Variants in HLA-DPA1 observed in about 807,000 individuals in gnomAD.
The protein encoded by HLA-DPA1 is major histocompatibility complex, class II, DP alpha 1.
HLA-DPA1 carries 20 observed loss-of-function variants against 21.5 expected under a neutral mutation model. That is an observed-to-expected ratio of 0.93 (90% CI 0.66 to 1.35). HLA-DPA1 has a LOEUF of 1.35. Ranked by LOEUF, HLA-DPA1 falls within the 40% of genes most tolerant of loss-of-function variation. The pLI is 0.00. For missense variants in HLA-DPA1, 279 were observed against 323.0 expected, an observed-to-expected ratio of 0.86 and a Z score of 1.05; for synonymous variants, 123 against 129.6, an observed-to-expected ratio of 0.95 and a Z score of 0.35.
chr6:33,074,129 G>C, intron 1 of HLA-DPA1, among the ~76,000 whole-genome samples: 1 of 152,070 alleles, frequency 6.6e-6, no homozygotes, highest in Non-Finnish European at 1.5e-5. Flanking sequence ...AATCATTTCT[G>C]CAGAAGTGTT....
At chr6:33,079,289 A>T (rs1946281559) in intron 1 of HLA-DPA1, among the ~76,000 whole-genome samples, 1 of 152,252 alleles carries the variant, frequency 6.6e-6, no homozygotes, top group African/African-American at 2.4e-5. Flanking sequence ...CGTGTCACTG[A>T]TAATTCTGTG....
At chr6:33,073,554 C>T (rs1358222756) in exon 2 of HLA-DPA1, 3 of 1,612,588 alleles carry the variant, frequency 1.9e-6, no homozygotes, top group Non-Finnish European at 2.5e-6. Flanking sequence ...ATGGAACATT[C>T]TGTCTTCAGG....
chr6:33,070,279 T>C (rs1335439061), intron 2 of HLA-DPA1, among the ~76,000 whole-genome samples: 1 of 152,158 alleles, frequency 6.6e-6, no homozygotes, highest in Non-Finnish European at 1.5e-5. Context: ...AATAACCCTA[T>C]GAAGCAAATA....
At chr6:33,077,839 T>C (rs908168292) in intron 1 of HLA-DPA1, among the ~76,000 whole-genome samples, 2 of 152,180 alleles carry the variant, frequency 1.3e-5, no homozygotes, top group African/African-American at 4.8e-5. Context: ...TGGAATCTCC[T>C]GAATACAGCC....
intron 1 of HLA-DPA1, among the ~76,000 whole-genome samples, chr6:33,077,723 T>C (rs2856816): frequency 0.2 from 31,029 of 151,976 alleles, 5,382 homozygotes; most frequent in East Asian, 0.54. Flanking sequence ...TGACTTCCAC[T>C]TTTCCTGCTT....
intron 1 of HLA-DPA1, among the ~76,000 whole-genome samples, chr6:33,073,929 C>T (rs1442759957): frequency 6.6e-6 from 1 of 152,140 alleles, no homozygotes; most frequent in African/African-American, 2.4e-5. Flanking sequence ...CCGAGCCCCA[C>T]CCCCATCCCA....
intron 1 of HLA-DPA1, among the ~76,000 whole-genome samples, chr6:33,074,191 T>C (rs1489202329): frequency 6.6e-6 from 1 of 152,246 alleles, no homozygotes; most frequent in Non-Finnish European, 1.5e-5. Flanking sequence ...GATCTTTAAT[T>C]GTTTATCTAT....
rs972295140 is a variant in HLA-DPA1, at chr6:33,080,359, A to G, written c.-100+321T>C. On this transcript the variant is annotated intron_variant, in intron 1 of 5. Transcript: ENST00000419277. The surrounding 1 kb of genome is among the most constrained non-coding windows in gnomAD (Gnocchi z 4.3). ...TTTTTCTCCCAGTGACCCCACGTGA[A>G]ACGTCTCCGCCTCCTCCAGCCACCA... The G allele has an allele frequency of 1.9e-5, 11 of 567,368 alleles. No homozygotes were observed. Among genetic ancestry groups the G allele is most frequent in the Non-Finnish European group, 3.8e-5 (11 of 292,496 alleles). 35.1% of individuals were successfully genotyped at this position (567,368 alleles called of 1,614,324 possible).
At chr6:33,073,525 T>C in exon 2 of HLA-DPA1, 1 of 1,613,010 alleles carries the variant, frequency 6.2e-7, no homozygotes, top group African/African-American at 1.3e-5. Context: ...GAGAGGGCTC[T>C]CAAGATCACA....
At chr6:33,068,762 A>G in exon 5 of HLA-DPA1, 1 of 1,613,030 alleles carries the variant, frequency 6.2e-7, no homozygotes. Context: ...GGCACAGAGC[A>G]CAGTCTCCGT....
intron 1 of HLA-DPA1, among the ~76,000 whole-genome samples, chr6:33,075,039 A>G (rs1299447842): frequency 1.3e-5 from 2 of 152,246 alleles, no homozygotes; most frequent in Non-Finnish European, 2.9e-5. Flanking sequence ...GATCACATTT[A>G]TAAGTGTCTA....
chr6:33,075,958 A>C, intron 1 of HLA-DPA1: 5 of 1,022,168 alleles, frequency 4.9e-6, no homozygotes, highest in Non-Finnish European at 7.4e-6. Flanking sequence ...CATGGTCTCT[A>C]ATATTTCAAA....
intron 2 of HLA-DPA1, among the ~76,000 whole-genome samples, chr6:33,071,917 G>T (rs112181319): frequency 0.2 from 29,828 of 151,980 alleles, 3,587 homozygotes; most frequent in African/African-American, 0.33. Flanking sequence ...GATATTTGTG[G>T]ATTATGGGTG....
intron 1 of HLA-DPA1, among the ~76,000 whole-genome samples, chr6:33,078,529 A>C (rs1180222140): frequency 6.6e-6 from 1 of 152,138 alleles, no homozygotes; most frequent in Non-Finnish European, 1.5e-5. Flanking sequence ...TCCTATTCTG[A>C]ATAAGAGACG....
At chr6:33,073,738 T>C in intron 1 of HLA-DPA1, 89 bp from the exon 1 acceptor site, 1 of 589,574 alleles carries the variant, frequency 1.7e-6, no homozygotes, top group Non-Finnish European at 3.0e-6. Flanking sequence ...GAGCTGACAT[T>C]CTCTGTTGCT....
At chr6:33,075,990 C>T (rs1317672276) in intron 1 of HLA-DPA1, 5 of 1,373,328 alleles carry the variant, frequency 3.6e-6, no homozygotes, top group Non-Finnish European at 5.1e-6. Flanking sequence ...TTTAGCGAGT[C>T]CTTCTTTTCC....
chr6:33,074,716 A>G (rs1185988024), intron 1 of HLA-DPA1, among the ~76,000 whole-genome samples: 1 of 152,204 alleles, frequency 6.6e-6, no homozygotes, highest in East Asian at 1.9e-4. Flanking sequence ...TAAACCTCAT[A>G]TTAAACCTGA....
At chr6:33,068,865 TG>T in intron 4 of HLA-DPA1, 61 bp from the exon 4 acceptor site, 4 of 1,582,210 alleles carry the variant, frequency 2.5e-6, no homozygotes, top group Non-Finnish European at 3.5e-6. Flanking sequence ...TGGCCTGGGA[TG>T]GTTGTGGGAA....
Position 33,080,470 on chromosome 6 carries a change from C to T in HLA-DPA1, c.-100+210G>A, listed in dbSNP as rs769224035. 3.9e-6 allele frequency: 3 copies of T among 762,112 alleles called. No individual in the cohort carries two copies. The South Asian group carries it at 4.4e-5, about 11-fold the overall frequency. The allele number at this position is 762,112 out of a possible 1,614,324, so 47.2% of individuals were successfully genotyped here. On this transcript the variant is annotated intron_variant, in intron 1 of 5. Coordinates refer to ENST00000419277, the Ensembl canonical transcript of HLA-DPA1. This position sits in a 1 kb window ranked among gnomAD's most constrained non-coding sequence, Gnocchi z 4.3. ...GAGCTCATTCTTTTCAGTAAATTCT[C>T]TCTCTGCGTGGTGAGAAAACAGGCC...
Sources: gnomAD v4.1 joint callset for allele counts (sites outside exome capture counted in the v4.1 genomes callset) on GRCh38, gnomAD v4.1.1 for gene constraint, Gnocchi (gnomAD v3.1) non-coding constraint, MANE v1.5 for transcripts, NCBI Gene and HGNC (gene_info 2026-07-23, HGNC 2026-07-21) for gene names.